Variants in SLC14A2 observed in about 807,000 individuals in gnomAD.
SLC14A2 encodes the protein solute carrier family 14 member 2.
A neutral mutation model predicts 104.6 loss-of-function variants in SLC14A2; 91 were observed. The ratio of observed to expected loss-of-function variants is 0.87; its 90% confidence interval spans 0.73 to 1.04. SLC14A2 has a LOEUF of 1.04. Among genes scored for constraint, SLC14A2 ranks in the 50% least tolerant of loss-of-function variants. The pLI is 0.00. For missense variants in SLC14A2, 1,189 were observed against 1,156.0 expected (o/e 1.03, Z -0.41); for synonymous variants, 476 against 466.4 (o/e 1.02, Z -0.27).
intron 4 of SLC14A2, among the ~76,000 whole-genome samples, chr18:45,627,961 C>T (rs1295961572): frequency 6.8e-6 from 1 of 148,130 alleles, no homozygotes; most frequent in Non-Finnish European, 1.5e-5. Context: ...CAAGATCGTG[C>T]CACTGCACTC....
the SLC14A2 span, among the ~76,000 whole-genome samples, chr18:45,188,530 T>C: frequency 2.7e-3 from 408 of 152,324 alleles, 4 homozygotes; most frequent in African/African-American, 9.3e-3. Context: ...TTCCAGCTAT[T>C]TGTCTTCACA....
At chr18:45,323,660 A>G (rs557963250) in intron 1 of SLC14A2, among the ~76,000 whole-genome samples, 1 of 152,342 alleles carries the variant, frequency 6.6e-6, no homozygotes, top group South Asian at 2.1e-4. Flanking sequence ...GCCTAATGAC[A>G]TTGAGTCAAT....
chr18:45,416,239 T>C (rs1364338611), intron 1 of SLC14A2, among the ~76,000 whole-genome samples: 1 of 150,406 alleles, frequency 6.6e-6, no homozygotes, highest in Non-Finnish European at 1.5e-5. Flanking sequence ...GTAGGTTTCC[T>C]TTTTTGTTTC....
At chr18:45,519,659 T>C (rs932018667) in intron 2 of SLC14A2, among the ~76,000 whole-genome samples, 1 of 152,178 alleles carries the variant, frequency 6.6e-6, no homozygotes, top group Non-Finnish European at 1.5e-5. Context: ...AGAGCTCATA[T>C]AAACCCCAAC....
chr18:45,367,964 T>G (rs1341281817), intron 1 of SLC14A2, among the ~76,000 whole-genome samples: 1 of 152,172 alleles, frequency 6.6e-6, no homozygotes, highest in African/African-American at 2.4e-5. Context: ...AGCTCACTGG[T>G]TGACACCTTG....
chr18:45,443,620 G>T (rs1220941151), intron 1 of SLC14A2, among the ~76,000 whole-genome samples: 4 of 152,086 alleles, frequency 2.6e-5, no homozygotes, highest in African/African-American at 9.7e-5. Flanking sequence ...TTTTATGGCT[G>T]GATTGGGGGA....
At chr18:45,240,090 TC>T (rs2084296621) in intron 1 of SLC14A2, among the ~76,000 whole-genome samples, 1 of 139,154 alleles carries the variant, frequency 7.2e-6, no homozygotes, top group Non-Finnish European at 1.5e-5. Context: ...TGCAAATATC[TC>T]TTTTTTTTTT....
the SLC14A2 span, among the ~76,000 whole-genome samples, chr18:45,183,669 GTCTT>G: frequency 4.1e-5 from 6 of 147,968 alleles, no homozygotes; most frequent in Admixed American, 2.0e-4. Context: ...CTTTTTTTCT[GTCTT>G]TCTTTCTTTC....
intron 1 of SLC14A2, among the ~76,000 whole-genome samples, chr18:45,475,951 T>A (rs2087371279): frequency 6.6e-6 from 1 of 152,110 alleles, no homozygotes; most frequent in Non-Finnish European, 1.5e-5. Context: ...AGCCTGTGTC[T>A]TTTAACTGGG....
At chr18:45,246,701 T>C (rs1041666535) in intron 1 of SLC14A2, among the ~76,000 whole-genome samples, 5 of 152,144 alleles carry the variant, frequency 3.3e-5, no homozygotes, top group African/African-American at 1.2e-4. Flanking sequence ...GCCTCCCAAG[T>C]AGCTGGGATT....
intron 1 of SLC14A2, among the ~76,000 whole-genome samples, chr18:45,464,712 C>A (rs2144650120): frequency 6.6e-6 from 1 of 152,250 alleles, no homozygotes; most frequent in African/African-American, 2.4e-5. Context: ...AGCAGTCCAT[C>A]TTCTTGGGAG....
chr18:45,411,461 C>T (rs1016864127), intron 1 of SLC14A2, among the ~76,000 whole-genome samples: 13 of 152,148 alleles, frequency 8.5e-5, no homozygotes, highest in African/African-American at 2.9e-4. Flanking sequence ...GAAGGGATAT[C>T]GTTTTTCACC....
intron 1 of SLC14A2, among the ~76,000 whole-genome samples, chr18:45,260,458 G>A (rs2084524329): frequency 6.6e-6 from 1 of 152,134 alleles, no homozygotes; most frequent in Non-Finnish European, 1.5e-5. Context: ...CCCTACTACT[G>A]GGTACATACC....
Position 45,673,687 on chromosome 18 carries a change from CA to C in SLC14A2, c.2383del (p.Thr795LeufsTer23). 1.2e-6 allele frequency: 2 copies of C among 1,613,986 alleles called. No homozygotes were observed. Among genetic ancestry groups the C allele is most frequent in the South Asian group, 2.2e-5 (2 of 91,076 alleles). ...GSTMGMLAAL[T>X]IATPFDSIYF... The stretch of plus-strand genomic sequence containing the variant: ...GATGCCTGCCTTCTGTCACAGCACT[CA>C]CTATTGCGACGCCCTTTGACTCCAT... On this transcript the variant is annotated frameshift_variant, in exon 18 of 20. Coordinates refer to ENST00000255226, the MANE Select transcript of SLC14A2 (RefSeq NM_007163.4). LOFTEE classifies it high-confidence loss of function.
Position 45,371,488 on chromosome 18 carries a change from A to G in SLC14A2, c.-124-111745A>G, listed in dbSNP as rs565649378. On this transcript the variant is annotated intron_variant, in intron 1 of 20. Coordinates refer to the SLC14A2 transcript ENST00000586448. ...ATTTAATCCTTATACAATCTATTGC[A>G]TAAATAAACAATGATATCATTCAAT... Among the ~76,000 whole-genome samples, 17 of 152,368 alleles carry G rather than the reference A, an allele frequency of 1.1e-4. 1 individual carries two copies. Among genetic ancestry groups the G allele is most frequent in the East Asian group, 9.6e-4 (5 of 5,188 alleles).
chr18:45,602,848 T>C (rs964311038), intron 2 of SLC14A2, among the ~76,000 whole-genome samples: 2 of 152,230 alleles, frequency 1.3e-5, no homozygotes, highest in Admixed American at 6.5e-5. Context: ...CCCATCAGTT[T>C]AGCCAATTGA....
chr18:45,170,828 G>T, the SLC14A2 span, among the ~76,000 whole-genome samples: 20 of 152,218 alleles, frequency 1.3e-4, no homozygotes, highest in East Asian at 3.9e-3. Flanking sequence ...TTTGATAACT[G>T]GGAGCAAGTC....
intron 2 of SLC14A2, among the ~76,000 whole-genome samples, chr18:45,533,201 A>T (rs1477025745): frequency 2.0e-5 from 3 of 151,338 alleles, no homozygotes; most frequent in Admixed American, 6.6e-5. Flanking sequence ...ATCAGGATGA[A>T]GCTGGCCTCA....
intron 4 of SLC14A2, among the ~76,000 whole-genome samples, chr18:45,631,641 G>A (rs1170810965): frequency 5.9e-5 from 9 of 152,202 alleles, no homozygotes; most frequent in Non-Finnish European, 1.3e-4. Context: ...TTTTGAGACA[G>A]GGTCTTGCTT....
Sources: gnomAD v4.1 joint callset for allele counts (sites outside exome capture counted in the v4.1 genomes callset) on GRCh38, gnomAD v4.1.1 for gene constraint, MANE v1.5 for transcripts, NCBI Gene and HGNC (gene_info 2026-07-23, HGNC 2026-07-21) for gene names.